Variants in KIRREL3 observed in about 807,000 individuals in gnomAD.
KIRREL3 encodes the protein kirre like nephrin family adhesion molecule 3.
Under a neutral mutation model 89.7 loss-of-function variants are expected in KIRREL3, and 36 were observed. The ratio of observed to expected loss-of-function variants is 0.40; its 90% CI spans 0.31 to 0.53. The LOEUF (loss-of-function observed/expected upper bound fraction) is 0.53, where lower values mean the gene tolerates loss of function less well. KIRREL3 is among the 20% of genes least tolerant of loss of function. The pLI, the probability that KIRREL3 is intolerant of heterozygous loss-of-function variation, is 0.49. For missense variants in KIRREL3, 864 were observed against 1,056.6 expected (o/e 0.82, Z 2.53); for synonymous variants, 445 against 441.4 (o/e 1.01, Z -0.10).
chr11:126,681,273 C>T (rs779233308), intron 1 of KIRREL3, among the ~76,000 whole-genome samples: 2 of 152,174 alleles, frequency 1.3e-5, no homozygotes, highest in African/African-American at 4.8e-5. Flanking sequence ...ATTTGTAGAC[C>T]TTCCCTTCAT....
At chr11:126,921,953 CTGTA>C (rs1947339475) in intron 1 of KIRREL3, among the ~76,000 whole-genome samples, 1 of 148,056 alleles carries the variant, frequency 6.8e-6, no homozygotes. Context: ...TTCCTATCAT[CTGTA>C]TATCTATATC....
In KIRREL3 at chr11:126,668,694, T is replaced by TTTCTTTC. The variant is rs1343406260; in HGVS notation, c.56-105789_56-105783dup. On this transcript the variant is annotated intron_variant, in intron 1 of 16. Transcript: ENST00000525144. The surrounding 1 kb of genome is among the most constrained non-coding windows in gnomAD (Gnocchi z 4.4). ...AAAGAGCTGTTGGGAAGTTTCTGTTTTTCTTTCTTTCTTTCTTTCTTTCTT... is the reference window on the plus strand; with the variant it reads ...AAAGAGCTGTTGGGAAGTTTCTGTTTTTCTTTCTTCTTTCTTTCTTTCTTTCTTTCTT... 6.7e-5 allele frequency among the ~76,000 whole-genome samples: 1 copy of TTTCTTTC among 14,890 alleles called. No individual in the cohort carries two copies. The highest frequency in any genetic ancestry group is 2.2e-4 in the African/African-American group (1 of 4,554). The allele number at this position is 14,890 out of a possible 152,430, so 9.8% of individuals were successfully genotyped here. A position where few individuals can be genotyped will look rare whatever the true frequency, so the allele number is the denominator to read the frequency against.
chr11:126,516,753 G>C lies in KIRREL3; in HGVS notation c.433+4562C>G, dbSNP rs960731475. Among the ~76,000 whole-genome samples the C allele has an allele frequency of 6.6e-6, 1 of 152,108 alleles. No individual in the cohort carries two copies. The highest frequency in any genetic ancestry group is 1.5e-5 in the Non-Finnish European group (1 of 68,034). ...ACAGTTTCAATATTTTTCAACCCTGGGATTCCTGTAGGTGGAAGAAGGAGC... is the reference window on the plus strand; with the variant it reads ...ACAGTTTCAATATTTTTCAACCCTGCGATTCCTGTAGGTGGAAGAAGGAGC... On this transcript the variant is annotated intron_variant, in intron 4 of 16. Coordinates refer to ENST00000525144, the MANE Select transcript of KIRREL3 (RefSeq NM_032531.4). The surrounding 1 kb of genome is among the most constrained non-coding windows in gnomAD (Gnocchi z 4.9).
intron 1 of KIRREL3, among the ~76,000 whole-genome samples, chr11:126,938,448 A>G (rs944075068): frequency 5.9e-5 from 9 of 152,250 alleles, no homozygotes; most frequent in Non-Finnish European, 1.2e-4. Context: ...AAGGTCAAGT[A>G]AATTGCTCAA....
intron 4 of KIRREL3, among the ~76,000 whole-genome samples, chr11:126,482,435 C>T (rs920694961): frequency 1.3e-5 from 2 of 152,346 alleles, no homozygotes; most frequent in African/African-American, 4.8e-5. Context: ...GGGAAAACTG[C>T]TTAGCTTCTC....
Position 126,459,099 on chromosome 11 carries a change from C to G in KIRREL3, c.743-2645G>C, listed in dbSNP as rs553970026. Among the ~76,000 whole-genome samples the G allele has an allele frequency of 3.9e-4, 60 of 152,084 alleles. No individual in the cohort carries two copies. The highest frequency in any genetic ancestry group is 6.0e-4 in the Non-Finnish European group (41 of 68,024). On this transcript the variant is annotated intron_variant, in intron 6 of 16. Transcript: ENST00000525144. The surrounding 1 kb of genome is among the most constrained non-coding windows in gnomAD (Gnocchi z 4.8). ...GATCCAAACGCATTGCTGGCCCGTG[C>G]CCTCGCATTATAAAGGCCAACGCTG...
intron 1 of KIRREL3, among the ~76,000 whole-genome samples, chr11:126,616,854 C>T (rs993708328): frequency 2.0e-5 from 3 of 152,218 alleles, no homozygotes; most frequent in Non-Finnish European, 4.4e-5. Context: ...TTTGCCCAGG[C>T]TGGTCTTGAA....
intron 1 of KIRREL3, among the ~76,000 whole-genome samples, chr11:126,869,899 A>C (rs969424970): frequency 3.9e-5 from 6 of 152,222 alleles, no homozygotes; most frequent in Admixed American, 2.6e-4. Flanking sequence ...CAAAGTGATG[A>C]AATTCAGTTC....
chr11:126,714,832 G>A (rs1947896492), intron 1 of KIRREL3, among the ~76,000 whole-genome samples: 1 of 152,196 alleles, frequency 6.6e-6, no homozygotes, highest in South Asian at 2.1e-4. Context: ...TTTGAGGGAA[G>A]ATGTGGGATA....
chr11:126,868,930 A>G (rs1453358134), intron 1 of KIRREL3, among the ~76,000 whole-genome samples: 1 of 151,878 alleles, frequency 6.6e-6, no homozygotes, highest in Non-Finnish European at 1.5e-5. Context: ...GGGGCAAGAG[A>G]GCTCCCTGAG....
intron 1 of KIRREL3, among the ~76,000 whole-genome samples, chr11:126,856,526 TTGAG>T (rs1418203820): frequency 2.7e-5 from 4 of 149,552 alleles, no homozygotes; most frequent in African/African-American, 7.3e-5. Flanking sequence ...TATTAGCATA[TTGAG>T]TATTTTCTGA....
rs571951576 is a variant in KIRREL3 at position 126,826,530 on chromosome 11, T to A, written c.55+173925A>T. 2.0e-5 allele frequency among the ~76,000 whole-genome samples: 3 copies of A among 152,314 alleles called. No individual in the cohort carries two copies. In the South Asian group the frequency reaches 6.2e-4, roughly 32 times the overall value. ...CTCCAATTTTTTAAAACATTATTTC[T>A]GCTTTCGACTTCCTCTCGGCCTGCT... On this transcript the variant is annotated intron_variant, in intron 1 of 16. Transcript: ENST00000525144.
At chr11:126,543,287 G>A (rs1489025564) in intron 2 of KIRREL3, among the ~76,000 whole-genome samples, 3 of 152,224 alleles carry the variant, frequency 2.0e-5, no homozygotes, top group African/African-American at 7.2e-5. Flanking sequence ...AGGATGGAGA[G>A]GGAGTGTGAG....
intron 1 of KIRREL3, among the ~76,000 whole-genome samples, chr11:126,648,079 C>T (rs938065281): frequency 6.6e-6 from 1 of 152,134 alleles, no homozygotes; most frequent in Middle Eastern, 3.2e-3. Context: ...GGTGAGTTCT[C>T]ACGAGATTTG....
intron 1 of KIRREL3, chr11:126,988,465 G>A (rs1021129693): frequency 2.6e-5 from 4 of 152,754 alleles, no homozygotes; most frequent in East Asian, 1.9e-4. Flanking sequence ...CACGGCTGTC[G>A]GGACACCAGT....
intron 1 of KIRREL3, among the ~76,000 whole-genome samples, chr11:126,735,311 A>G (rs903965024): frequency 6.6e-6 from 1 of 152,212 alleles, no homozygotes; most frequent in African/African-American, 2.4e-5. Flanking sequence ...AAGGAATAAT[A>G]GCAAAGACAA....
intron 2 of KIRREL3, among the ~76,000 whole-genome samples, chr11:126,529,511 G>T (rs990085632): frequency 2.0e-5 from 3 of 151,728 alleles, no homozygotes; most frequent in Non-Finnish European, 4.4e-5. Context: ...TGCCATCTGA[G>T]CAGGCTTGGA....
intron 1 of KIRREL3, among the ~76,000 whole-genome samples, chr11:126,864,131 A>T (rs1944842171): frequency 6.6e-6 from 1 of 152,252 alleles, no homozygotes. Flanking sequence ...ATAGAGCAGG[A>T]TGCAACTTAT....
intron 1 of KIRREL3, among the ~76,000 whole-genome samples, chr11:126,777,091 G>A (rs1284258396): frequency 1.3e-5 from 2 of 152,152 alleles, no homozygotes; most frequent in African/African-American, 4.8e-5. Flanking sequence ...GAACGTCCAG[G>A]GCCACCAAAC....
Sources: allele counts gnomAD v4.1 joint callset (sites outside exome capture counted in the v4.1 genomes callset), GRCh38; gene constraint gnomAD v4.1.1; non-coding constraint Gnocchi (gnomAD v3.1); transcripts MANE v1.5; gene names NCBI Gene and HGNC (gene_info 2026-07-23, HGNC 2026-07-21).